The following CELF2 variants were observed in gnomAD, a reference collection of about 807,000 sequenced individuals.
CELF2 encodes CUGBP Elav-like family member 2.
Under a neutral mutation model 62.6 loss-of-function variants are expected in CELF2, and 8 were observed. The observed-to-expected ratio is 0.13, with a 90% CI of 0.07 to 0.23. The LOEUF is 0.23. CELF2 is among the 10% of genes least tolerant of loss of function. CELF2 has a pLI of 1.00. For missense variants in CELF2, 333 were observed against 671.0 expected (o/e 0.50, Z 5.56); for synonymous variants, 258 against 250.0 (o/e 1.03, Z -0.30).
At chr10:10,960,876 T>G (rs1408660191) in intron 2 of CELF2, among the ~76,000 whole-genome samples, 1 of 152,230 alleles carries the variant, frequency 6.6e-6, no homozygotes, top group East Asian at 1.9e-4. Flanking sequence ...ATAGGCACAT[T>G]TAGAGTCACA....
intron 2 of CELF2, among the ~76,000 whole-genome samples, chr10:10,976,082 T>C (rs1023236181): frequency 3.9e-5 from 6 of 152,222 alleles, no homozygotes; most frequent in African/African-American, 1.4e-4. Context: ...GTCATGGTGC[T>C]GGTGGGAGTG....
chr10:11,058,610 G>T (rs2065941607), intron 1 of CELF2, among the ~76,000 whole-genome samples: 1 of 151,558 alleles, frequency 6.6e-6, no homozygotes, highest in Non-Finnish European at 1.5e-5. Context: ...GGGATTACAG[G>T]CATGCACCAC....
rs922562404 is a variant in CELF2, at chr10:11,263,078, G to T, written c.539-3520G>T. 6.0e-5 allele frequency among the ~76,000 whole-genome samples: 9 copies of T among 150,390 alleles called. 1 individual carries two copies. The highest frequency in any genetic ancestry group is 3.3e-4 in the Admixed American group (5 of 14,942). On this transcript the variant is annotated intron_variant, in intron 5 of 12. Coordinates refer to ENST00000633077, the MANE Select transcript of CELF2 (RefSeq NM_001326342.2). ...TTGAAATGACAAGTGTAATAGGTGT[G>T]TTCCAAAATCTTCTCTGTGACAGGG...
At chr10:11,130,135 G>A (rs977683242) in intron 1 of CELF2, among the ~76,000 whole-genome samples, 3 of 152,168 alleles carry the variant, frequency 2.0e-5, no homozygotes. Flanking sequence ...TATTTACCCA[G>A]TGGTCATTCA....
At chr10:11,136,502 G>A (rs909707158) in intron 1 of CELF2, among the ~76,000 whole-genome samples, 4 of 152,304 alleles carry the variant, frequency 2.6e-5, no homozygotes, top group African/African-American at 9.6e-5. Context: ...CACTCAGGAG[G>A]CTGAGACAGG....
intron 2 of CELF2, chr10:10,929,550 A>G (rs1592057412): frequency 1.3e-5 from 2 of 152,186 alleles, no homozygotes; most frequent in Admixed American, 1.3e-4. Flanking sequence ...AGTGCATATG[A>G]TCTAGAGCCA....
chr10:11,125,178 A>AC (rs1474311638), intron 1 of CELF2, among the ~76,000 whole-genome samples: 2 of 152,104 alleles, frequency 1.3e-5, no homozygotes, highest in Non-Finnish European at 2.9e-5. Context: ...TAGTGTGAGG[A>AC]CCTCTGGGCC....
At chr10:10,886,236 T>G (rs2061739473) in intron 1 of CELF2, among the ~76,000 whole-genome samples, 1 of 152,176 alleles carries the variant, frequency 6.6e-6, no homozygotes, top group Non-Finnish European at 1.5e-5. Context: ...TAGCCCAAGT[T>G]AGTTATACCA....
chr10:11,133,799 G>C (rs535467788), intron 1 of CELF2, among the ~76,000 whole-genome samples: 1 of 152,280 alleles, frequency 6.6e-6, no homozygotes, highest in South Asian at 2.1e-4. Context: ...CTTCCCTGGA[G>C]TTCTAGTAAA....
chr10:10,794,993 T>C (rs2054056117), upstream of CELF2: 1 of 152,162 alleles, frequency 6.6e-6, no homozygotes, highest in African/African-American at 2.4e-5. Context: ...ACTTCCCTCA[T>C]GACTCTAACC....
intron 2 of CELF2, among the ~76,000 whole-genome samples, chr10:10,962,186 C>G (rs1343435524): frequency 2.0e-5 from 3 of 152,042 alleles, no homozygotes; most frequent in Non-Finnish European, 4.4e-5. Context: ...GAGGGAGGCT[C>G]TCCTCTCTCA....
At position 11,260,434 on chromosome 10, in the gene CELF2, G is replaced by C. The variant is rs775959269; in HGVS notation, c.538+2562G>C. Among the ~76,000 whole-genome samples, 10 of 152,226 alleles carry C rather than the reference G, an allele frequency of 6.6e-5. No individual in the cohort carries two copies. Among genetic ancestry groups the C allele is most frequent in the Non-Finnish European group, 1.2e-4 (8 of 68,038 alleles). ...ATACATCAGTTATTTCTGCAGATCAGGTTTTAAAGCAGCCAGAACCTCCAT... is the reference window on the plus strand; with the variant it reads ...ATACATCAGTTATTTCTGCAGATCACGTTTTAAAGCAGCCAGAACCTCCAT... On this transcript the variant is annotated intron_variant, in intron 5 of 12. Transcript: ENST00000633077. The surrounding 1 kb of genome is among the most constrained non-coding windows in gnomAD (Gnocchi z 4.2).
intron 1 of CELF2, among the ~76,000 whole-genome samples, chr10:10,857,213 C>G (rs1466636995): frequency 2.6e-5 from 4 of 152,104 alleles, no homozygotes; most frequent in Non-Finnish European, 5.9e-5. Flanking sequence ...TTCTCATGCA[C>G]TGGGGGAATC....
the CELF2 span, among the ~76,000 whole-genome samples, chr10:10,651,360 G>T: frequency 2.0e-5 from 3 of 148,834 alleles, no homozygotes; most frequent in Non-Finnish European, 4.5e-5. Context: ...GAACTGGGTG[G>T]AACCCACCAC....
chr10:10,824,013 A>C (rs1439620648), intron 1 of CELF2, among the ~76,000 whole-genome samples: 2 of 152,138 alleles, frequency 1.3e-5, no homozygotes, highest in African/African-American at 2.4e-5. Context: ...TACATAGATA[A>C]ATAGATGATA....
chr10:10,613,048 C>T, the CELF2 span, among the ~76,000 whole-genome samples: 170 of 152,266 alleles, frequency 1.1e-3, no homozygotes, highest in African/African-American at 3.8e-3. Flanking sequence ...CCTAAAGAAA[C>T]GCTCAACAGA....
chr10:10,679,366 T>C, the CELF2 span, among the ~76,000 whole-genome samples: 3 of 152,204 alleles, frequency 2.0e-5, no homozygotes, highest in Non-Finnish European at 4.4e-5. Context: ...CTCGGCTCAC[T>C]GCAACCTCCA....
the CELF2 span, among the ~76,000 whole-genome samples, chr10:10,667,326 C>T: frequency 2.6e-5 from 4 of 152,156 alleles, no homozygotes; most frequent in South Asian, 4.1e-4. Flanking sequence ...AACGACCACG[C>T]GTTTGTTTTG....
chr10:10,597,246 C>A, the CELF2 span, among the ~76,000 whole-genome samples: 36,576 of 152,110 alleles, frequency 0.24, 4,910 homozygotes, highest in South Asian at 0.51. Context: ...TTAGAGAATT[C>A]ACTCGTGTAA....
Sources: gnomAD v4.1 joint callset for allele counts (sites outside exome capture counted in the v4.1 genomes callset) on GRCh38, gnomAD v4.1.1 for gene constraint, Gnocchi (gnomAD v3.1) non-coding constraint, MANE v1.5 for transcripts, NCBI Gene and HGNC (gene_info 2026-07-23, HGNC 2026-07-21) for gene names.